Variants in ERO1B observed in about 807,000 individuals in gnomAD.
ERO1B encodes ERO1-like protein beta.
ERO1B carries 49 observed loss-of-function variants against 75.3 expected under a neutral mutation model. That is an observed-to-expected ratio of 0.65 (90% CI 0.52 to 0.83). ERO1B has a LOEUF of 0.83. Among genes scored for constraint, ERO1B ranks in the 40% least tolerant of loss-of-function variants. The probability of loss-of-function intolerance (pLI) is 0.00; values close to 1 mark genes in which losing one functional copy is unlikely to be tolerated. For synonymous variants in ERO1B, 191 were observed against 192.9 expected, an observed-to-expected ratio of 0.99 and a Z score of 0.08; for missense variants, 512 against 560.1, an observed-to-expected ratio of 0.91 and a Z score of 0.87.
intron 6 of ERO1B, among the ~76,000 whole-genome samples, chr1:236,240,833 G>A (rs189212137): frequency 6.6e-6 from 1 of 152,248 alleles, no homozygotes; most frequent in African/African-American, 2.4e-5. Flanking sequence ...TCAGACAGTT[G>A]TTAGTGCTTG....
Position 236,217,244 on chromosome 1 carries a change from T to C in ERO1B, c.*1272A>G, listed in dbSNP as rs1190380239. 6.6e-6 allele frequency: 1 copy of C among 152,160 alleles called. No individual in the cohort carries two copies. Among genetic ancestry groups the C allele is most frequent in the East Asian group, 1.9e-4 (1 of 5,200 alleles). 9.4% of individuals were successfully genotyped at this position (152,160 alleles called of 1,614,324 possible). A position where few individuals can be genotyped will look rare whatever the true frequency, so the allele number is the denominator to read the frequency against. On this transcript the variant is annotated 3_prime_UTR_variant, in exon 16 of 16. Transcript: ENST00000354619. The stretch of plus-strand genomic sequence containing the variant: ...CTAGATCTTGTACCTGCATTACTTC[T>C]ACACAGATGCAATCTTCCAAATTGT...
chr1:236,258,067 C>T (rs980434230), intron 2 of ERO1B, among the ~76,000 whole-genome samples: 1 of 145,792 alleles, frequency 6.9e-6, no homozygotes, highest in African/African-American at 2.5e-5. Flanking sequence ...AGCCAGATCC[C>T]TCCTGTTAGC....
At chr1:236,229,953 T>C (rs567504631) in intron 10 of ERO1B, among the ~76,000 whole-genome samples, 2 of 152,312 alleles carry the variant, frequency 1.3e-5, no homozygotes, top group East Asian at 3.9e-4. Context: ...GAACATTACA[T>C]ACAGAACAGA....
intron 2 of ERO1B, among the ~76,000 whole-genome samples, chr1:236,257,337 G>A (rs1213584161): frequency 6.6e-6 from 1 of 152,122 alleles, no homozygotes; most frequent in Non-Finnish European, 1.5e-5. Flanking sequence ...ACTCCTTCTA[G>A]TAATACTCAC....
At chr1:236,281,580 G>C (rs956159683) in intron 1 of ERO1B, 102 bp downstream of exon 1, 46 of 727,716 alleles carry the variant, frequency 6.3e-5, no homozygotes, top group African/African-American at 1.3e-4. Context: ...CTCTTTTCTG[G>C]CCCGGCCCTG....
Position 236,226,652 on chromosome 1 carries a change from A to C in ERO1B, c.800T>G (p.Leu267Trp). The change falls in exon 11 of 16, where the codon TTG (leucine) becomes TGG (tryptophan). Residue 267 changes from leucine (L) to tryptophan (W), a missense_variant. Leu to Trp is a moderately conservative substitution (Grantham distance 61, BLOSUM62 -2). Transcript: ENST00000354619. ...INLHLCANYL[L>W]EETWGKPSWG... ...CGACTTAAAAATATGATTACCTTCC[A>C]AAAGATAATTTGCGCATAGATGTAA... 1.2e-6 allele frequency: 2 copies of C among 1,609,884 alleles called. No homozygotes were observed. Among genetic ancestry groups the C allele is most frequent in the Non-Finnish European group, 1.7e-6 (2 of 1,178,970 alleles).
chr1:236,255,352 C>T (rs1402985674), intron 2 of ERO1B, among the ~76,000 whole-genome samples: 1 of 152,160 alleles, frequency 6.6e-6, no homozygotes, highest in African/African-American at 2.4e-5. Context: ...AGCAGAGAGA[C>T]CATTCCTGGC....
At chr1:236,265,769 C>G (rs1191459224) in intron 2 of ERO1B, among the ~76,000 whole-genome samples, 1 of 152,158 alleles carries the variant, frequency 6.6e-6, no homozygotes, top group Non-Finnish European at 1.5e-5. Flanking sequence ...CTCGTTCACT[C>G]CAGCTATACC....
chr1:236,233,813 G>A (rs1664475521), intron 8 of ERO1B, among the ~76,000 whole-genome samples: 5 of 152,110 alleles, frequency 3.3e-5, no homozygotes, highest in African/African-American at 1.2e-4. Context: ...ACAGGCCTTA[G>A]TAAGAGTATA....
At chr1:236,251,498 AAAGGAGGCACAAG>A (rs1228403732) in intron 4 of ERO1B, 2 of 977,516 alleles carry the variant, frequency 2.0e-6, no homozygotes, top group Non-Finnish European at 2.4e-6. Context: ...AAGAAAACGC[AAAGGAGGCACAAG>A]AAGGAGACAG....
intron 8 of ERO1B, among the ~76,000 whole-genome samples, chr1:236,233,473 C>T (rs1045599296): frequency 6.6e-6 from 1 of 151,772 alleles, no homozygotes; most frequent in Non-Finnish European, 1.5e-5. Flanking sequence ...TGACCGGCAC[C>T]TTGTCATCCC....
chr1:236,256,780 C>T (rs750283587), intron 2 of ERO1B, among the ~76,000 whole-genome samples: 3 of 152,098 alleles, frequency 2.0e-5, no homozygotes, highest in Non-Finnish European at 4.4e-5. Context: ...ATAGCCTTCA[C>T]TGGAGGGATA....
intron 2 of ERO1B, among the ~76,000 whole-genome samples, chr1:236,253,829 T>C (rs543381224): frequency 6.6e-6 from 1 of 152,318 alleles, no homozygotes; most frequent in Admixed American, 6.5e-5. Flanking sequence ...AGGCACTGGG[T>C]AGGCTATGGG....
In ERO1B at chr1:236,225,052, C is replaced by T; in HGVS notation, c.1122+18G>A. On this transcript the variant is annotated intron_variant, in intron 13 of 15. Transcript: ENST00000354619. ...GCAAACTGCTCCCAACCCCGTGTCC[C>T]AATCGAGAACTTTTTACCTTTAGTG... The T allele has an allele frequency of 2.5e-6, 4 of 1,612,442 alleles. No individual in the cohort carries two copies. In the South Asian group the frequency reaches 4.4e-5, roughly 18 times the overall value.
chr1:236,240,816 T>C (rs1321574243), intron 6 of ERO1B, among the ~76,000 whole-genome samples: 1 of 152,100 alleles, frequency 6.6e-6, no homozygotes, highest in Non-Finnish European at 1.5e-5. Flanking sequence ...TAATATGCCA[T>C]ATACTGTCAG....
chr1:236,239,813 A>ATATATATATGTG (rs1418899812), intron 6 of ERO1B, among the ~76,000 whole-genome samples: 2 of 47,334 alleles, frequency 4.2e-5, no homozygotes, highest in African/African-American at 8.8e-5. Context: ...ATATGTGTGT[A>ATATATATATGTG]TATATATATG....
intron 4 of ERO1B, among the ~76,000 whole-genome samples, chr1:236,251,157 GAAA>G (rs67744914): frequency 6.6e-6 from 1 of 151,088 alleles, no homozygotes; most frequent in African/African-American, 2.4e-5. Flanking sequence ...AGCACAAACT[GAAA>G]AAAAGTTTGT....
chr1:236,278,558 G>A (rs978396282), intron 1 of ERO1B, among the ~76,000 whole-genome samples: 4 of 152,094 alleles, frequency 2.6e-5, no homozygotes, highest in Admixed American at 6.5e-5. Flanking sequence ...GTAACGGACT[G>A]GTATAGCACT....
intron 15 of ERO1B, chr1:236,220,561 T>C (rs1216128625): frequency 8.8e-6 from 2 of 226,756 alleles, no homozygotes; most frequent in African/African-American, 2.3e-5. Context: ...GAACAAGTTA[T>C]AGCCAAGCAA....
Sources: gnomAD v4.1 joint callset for allele counts (sites outside exome capture counted in the v4.1 genomes callset) on GRCh38, gnomAD v4.1.1 for gene constraint, MANE v1.5 for transcripts, NCBI Gene and HGNC (gene_info 2026-07-23, HGNC 2026-07-21) for gene names.